The following SDCCAG8 variants were observed in gnomAD, a reference collection of about 807,000 sequenced individuals.
SDCCAG8 encodes the protein SHH signaling and ciliogenesis regulator SDCCAG8, also known as serologically defined colon cancer antigen 8.
In SDCCAG8, 74 loss-of-function variants were observed where a neutral mutation model predicts 101.8. The observed-to-expected ratio is 0.73, with a 90% confidence interval of 0.60 to 0.88. The LOEUF (loss-of-function observed/expected upper bound fraction) is 0.88. SDCCAG8 is among the 40% of genes least tolerant of loss of function. SDCCAG8 has a pLI of 0.00. For missense variants in SDCCAG8, 787 were observed against 822.6 expected, an observed-to-expected ratio of 0.96 and a Z score of 0.53; for synonymous variants, 281 against 292.9, an observed-to-expected ratio of 0.96 and a Z score of 0.41.
chr1:243,263,697 CTCCTGGCGCCA>C, intron 1 of SDCCAG8, among the ~76,000 whole-genome samples: 1 of 134,028 alleles, frequency 7.5e-6, no homozygotes, highest in African/African-American at 3.7e-5. Context: ...TTATCTTTTA[CTCCTGGCGCCA>C]ACCACTTTAG....
chr1:243,351,188 A>G (rs1032057519), intron 12 of SDCCAG8, among the ~76,000 whole-genome samples: 20 of 152,164 alleles, frequency 1.3e-4, no homozygotes, highest in African/African-American at 4.1e-4. Context: ...TGCCTTTGGT[A>G]CATGTAATCA....
chr1:243,346,599 T>G (rs1310525517), intron 12 of SDCCAG8, among the ~76,000 whole-genome samples: 1 of 152,230 alleles, frequency 6.6e-6, no homozygotes, highest in Non-Finnish European at 1.5e-5. Context: ...GACCTGAGCC[T>G]TGGCTCTGGC....
chr1:243,447,717 A>G (rs547878784), intron 16 of SDCCAG8, among the ~76,000 whole-genome samples: 2 of 152,356 alleles, frequency 1.3e-5, no homozygotes, highest in East Asian at 3.9e-4. Context: ...CAGAATGTAC[A>G]TTAGGATATT....
At chr1:243,421,913 TTC>T (rs2081034376) in intron 15 of SDCCAG8, among the ~76,000 whole-genome samples, 1 of 152,200 alleles carries the variant, frequency 6.6e-6, no homozygotes, top group African/African-American at 2.4e-5. Flanking sequence ...GAAGGAAGTG[TTC>T]TCTCTCCCCA....
chr1:243,262,414 CTCT>C (rs527379836), intron 1 of SDCCAG8, among the ~76,000 whole-genome samples: 7 of 152,252 alleles, frequency 4.6e-5, no homozygotes, highest in African/African-American at 1.7e-4. Context: ...CCTCATGTGG[CTCT>C]TCTTAGTGCC....
intron 7 of SDCCAG8, chr1:243,307,477 G>C: frequency 4.1e-6 from 4 of 983,746 alleles, no homozygotes; most frequent in Non-Finnish European, 4.8e-6. Flanking sequence ...AGAAAAATGG[G>C]CAGTAATAAA....
At chr1:243,497,591 A>G (rs1407444646) in intron 17 of SDCCAG8, among the ~76,000 whole-genome samples, 2 of 152,172 alleles carry the variant, frequency 1.3e-5, no homozygotes, top group African/African-American at 2.4e-5. Context: ...ATAAATTGCT[A>G]GGTGGCCTGG....
At chr1:243,261,035 T>G (rs186816309) in intron 1 of SDCCAG8, among the ~76,000 whole-genome samples, 1 of 152,298 alleles carries the variant, frequency 6.6e-6, no homozygotes, top group Non-Finnish European at 1.5e-5. Context: ...TGCCTTTAGG[T>G]GCCAAGCAAA....
chr1:243,438,515 A>ATT (rs1437077082), intron 16 of SDCCAG8, among the ~76,000 whole-genome samples: 1 of 142,816 alleles, frequency 7.0e-6, no homozygotes, highest in Non-Finnish European at 1.5e-5. Flanking sequence ...AGTGGGAGTG[A>ATT]TTGTGTGTGT....
Position 243,382,804 on chromosome 1 carries a change from C to G in SDCCAG8, c.1616+3941C>G, listed in dbSNP as rs548528686. ...ATGAAGCCCTTGGCTGTGGCTGTCCCGTGAAGTGGAAAGGAAGTAGTATCT... is the reference window on the plus strand; with the variant it reads ...ATGAAGCCCTTGGCTGTGGCTGTCCGGTGAAGTGGAAAGGAAGTAGTATCT... On this transcript the variant is annotated intron_variant, in intron 13 of 17. Coordinates refer to ENST00000366541, the MANE Select transcript of SDCCAG8 (RefSeq NM_006642.5). 3.9e-5 allele frequency among the ~76,000 whole-genome samples: 6 copies of G among 152,044 alleles called. No homozygotes were observed. In the South Asian group the frequency reaches 1.2e-3, roughly 32 times the overall value.
At chr1:243,344,109 GT>G in intron 11 of SDCCAG8, 105 bp from the exon 12 acceptor site, 2 of 877,158 alleles carry the variant, frequency 2.3e-6, no homozygotes, top group Non-Finnish European at 3.9e-6. Flanking sequence ...GAAAAGTTTT[GT>G]TGTATTTTAT....
At chr1:243,352,205 A>G (rs1362101599) in intron 12 of SDCCAG8, among the ~76,000 whole-genome samples, 1 of 152,250 alleles carries the variant, frequency 6.6e-6, no homozygotes, top group Non-Finnish European at 1.5e-5. Context: ...GTATATTTAG[A>G]AGATAAGAGT....
chr1:243,417,995 C>T lies in SDCCAG8; in HGVS notation c.1772C>T (p.Ser591Phe). ...AATGAACAGTATTTGTTGCTGACCT[C>T]CCAGAATACATTTTTGACAAAGTTA... is the stretch of plus-strand genomic sequence containing the variant. ...TENEQYLLLTSQNTFLTKLKE... is the reference protein window; with the variant it reads ...TENEQYLLLTFQNTFLTKLKE... Residue 591 changes from serine to phenylalanine, a missense_variant, in exon 15 of 18, where the codon TCC (serine) becomes TTC (phenylalanine). Ser to Phe is a radical substitution (Grantham distance 155, BLOSUM62 -2). Transcript: ENST00000366541. The T allele has an allele frequency of 6.2e-7, 1 of 1,612,384 alleles. No individual in the cohort carries two copies. Among genetic ancestry groups the T allele is most frequent in the Non-Finnish European group, 8.5e-7 (1 of 1,178,740 alleles).
intron 5 of SDCCAG8, among the ~76,000 whole-genome samples, chr1:243,288,399 A>T (rs1263387577): frequency 6.6e-6 from 1 of 152,040 alleles, no homozygotes. Flanking sequence ...CCAGGAGGTC[A>T]AGGCTGCAGT....
At chr1:243,320,337 G>T (rs766626545) in intron 9 of SDCCAG8, among the ~76,000 whole-genome samples, 1 of 152,086 alleles carries the variant, frequency 6.6e-6, no homozygotes, top group African/African-American at 2.4e-5. Flanking sequence ...AGCCAGAAGC[G>T]ATCTTTCTTA....
chr1:243,452,016 C>G (rs12739982), intron 16 of SDCCAG8, among the ~76,000 whole-genome samples: 15,096 of 152,278 alleles, frequency 0.099, 877 homozygotes, highest in Non-Finnish European at 0.14. Context: ...AAAAACCCTT[C>G]CATCAAAGGC....
chr1:243,396,570 A>C lies in SDCCAG8; in HGVS notation c.1616+17707A>C, dbSNP rs561147407. On this transcript the variant is annotated intron_variant, in intron 13 of 17. Coordinates refer to ENST00000366541, the MANE Select transcript of SDCCAG8 (RefSeq NM_006642.5). ...GAATACTCTCTCCCTTGGCTAATTC[A>C]TTAGTGAAAATATTTATTCCTCAAG... is the stretch of plus-strand genomic sequence containing the variant. Among the ~76,000 whole-genome samples the C allele has an allele frequency of 7.9e-5, 12 of 152,374 alleles. No individual in the cohort carries two copies. The East Asian group carries it at 2.3e-3, about 29-fold the overall frequency.
At chr1:243,492,564 A>G (rs1666772910) in intron 17 of SDCCAG8, among the ~76,000 whole-genome samples, 1 of 148,692 alleles carries the variant, frequency 6.7e-6, no homozygotes, top group South Asian at 2.1e-4. Flanking sequence ...TTAGCCTCCT[A>G]AAGTGCTGGG....
rs149706077 is a variant in SDCCAG8, at chr1:243,486,058, G to A, written c.1986-2956G>A. Reference sequence around the variant, plus strand: ...TACTAAAAATACAAAATTAGCCGCCGTTGTGGCACATGCCTGTAATTCCAG... The same window carrying A: ...TACTAAAAATACAAAATTAGCCGCCATTGTGGCACATGCCTGTAATTCCAG... On this transcript the variant is annotated intron_variant, in intron 16 of 17. Coordinates refer to ENST00000366541, the MANE Select transcript of SDCCAG8 (RefSeq NM_006642.5). Among the ~76,000 whole-genome samples the A allele has an allele frequency of 6.2e-3, 947 of 151,552 alleles. 6 individuals are homozygous for A. Among genetic ancestry groups the A allele is most frequent in the African/African-American group, 0.013 (547 of 41,306 alleles).
Sources: gnomAD v4.1 joint callset for allele counts (sites outside exome capture counted in the v4.1 genomes callset) on GRCh38, gnomAD v4.1.1 for gene constraint, MANE v1.5 for transcripts, NCBI Gene and HGNC (gene_info 2026-07-23, HGNC 2026-07-21) for gene names.